ADGRL3: variants seen among roughly 807,000 people sequenced by gnomAD.
The protein encoded by ADGRL3 is adhesion G protein-coupled receptor L3.
In ADGRL3, 62 loss-of-function variants were observed where a neutral mutation model predicts 153.5. The observed-to-expected ratio is 0.40, with a 90% CI of 0.33 to 0.50. The LOEUF is 0.50. Among genes scored for constraint, ADGRL3 ranks in the 20% least tolerant of loss-of-function variants. ADGRL3 has a pLI of 0.47. For synonymous variants in ADGRL3, 710 were observed against 672.5 expected (o/e 1.06, Z -0.86); for missense variants, 1,641 against 1,859.4 (o/e 0.88, Z 2.16).
chr4:61,737,658 T>C (rs1379751142), intron 8 of ADGRL3, among the ~76,000 whole-genome samples: 1 of 152,188 alleles, frequency 6.6e-6, no homozygotes, highest in East Asian at 1.9e-4. Context: ...CCTAATAGAT[T>C]TGCAGTAACC....
At chr4:61,950,451 C>T (rs968130735) in intron 17 of ADGRL3, among the ~76,000 whole-genome samples, 1 of 151,574 alleles carries the variant, frequency 6.6e-6, no homozygotes, top group Non-Finnish European at 1.5e-5. Context: ...ACAGCAGGAG[C>T]GAAAACATAA....
intron 2 of ADGRL3, chr4:61,420,359 T>G (rs2097189114): frequency 6.6e-6 from 1 of 151,450 alleles, no homozygotes; most frequent in Non-Finnish European, 1.5e-5. Flanking sequence ...ATTTTTATCA[T>G]GATGAACCCT....
intron 8 of ADGRL3, among the ~76,000 whole-genome samples, chr4:61,788,102 G>A (rs2097298803): frequency 6.6e-6 from 1 of 152,094 alleles, no homozygotes; most frequent in Non-Finnish European, 1.5e-5. Flanking sequence ...AACCATTAGA[G>A]CAACTCATAA....
chr4:61,645,178 T>C (rs2093910759), intron 5 of ADGRL3, among the ~76,000 whole-genome samples: 1 of 152,224 alleles, frequency 6.6e-6, no homozygotes, highest in Non-Finnish European at 1.5e-5. Flanking sequence ...CCTATGTGTA[T>C]CTCTGCACAT....
chr4:61,267,521 T>G (rs1178535046), intron 1 of ADGRL3, among the ~76,000 whole-genome samples: 1 of 151,804 alleles, frequency 6.6e-6, no homozygotes, highest in East Asian at 1.9e-4. Flanking sequence ...ATCTTTCTTT[T>G]GATTTTAGCT....
chr4:61,925,587 G>T (rs1334961966), intron 13 of ADGRL3, among the ~76,000 whole-genome samples: 1 of 152,110 alleles, frequency 6.6e-6, no homozygotes, highest in Non-Finnish European at 1.5e-5. Context: ...ACTCATGGAA[G>T]AAGGCAAAGC....
At chr4:61,690,250 T>A (rs1475432893) in intron 6 of ADGRL3, among the ~76,000 whole-genome samples, 1 of 151,986 alleles carries the variant, frequency 6.6e-6, no homozygotes, top group Admixed American at 6.6e-5. Flanking sequence ...TTCAAGACCA[T>A]CCTTGGTAAC....
rs148195713 is a variant in ADGRL3, at chr4:61,249,233, G to A, written c.-240+47468G>A. ...TTTGAAGCTTTCAACATTGTGTTCG[G>A]CAAAATCTTTCAGTAAAGGTAACAC... On this transcript the variant is annotated intron_variant, in intron 1 of 26. Coordinates refer to ENST00000683033, the MANE Select transcript of ADGRL3 (RefSeq NM_001387552.1). Among the ~76,000 whole-genome samples the A allele has an allele frequency of 2.0e-5, 3 of 152,216 alleles. No individual in the cohort carries two copies. In the East Asian group the frequency reaches 5.8e-4, roughly 29 times the overall value.
chr4:61,327,835 G>T (rs1200676238), intron 1 of ADGRL3, among the ~76,000 whole-genome samples: 2 of 152,006 alleles, frequency 1.3e-5, no homozygotes, highest in African/African-American at 4.8e-5. Flanking sequence ...ATGGAGAAAT[G>T]GCCATTTAAT....
chr4:61,266,068 T>C (rs1427621994), intron 1 of ADGRL3, among the ~76,000 whole-genome samples: 2 of 151,888 alleles, frequency 1.3e-5, no homozygotes, highest in East Asian at 3.9e-4. Flanking sequence ...AACTCAACAG[T>C]AATTTGCACC....
At chr4:61,476,321 G>C (rs997407091) in intron 2 of ADGRL3, among the ~76,000 whole-genome samples, 3 of 151,774 alleles carry the variant, frequency 2.0e-5, no homozygotes, top group Admixed American at 6.6e-5. Context: ...TCTACCTCCC[G>C]GGTTCAAGCA....
intron 2 of ADGRL3, among the ~76,000 whole-genome samples, chr4:61,477,407 T>A (rs2098078142): frequency 6.6e-6 from 1 of 151,978 alleles, no homozygotes; most frequent in South Asian, 2.1e-4. Context: ...ACACACAATT[T>A]TATGCAAAAG....
chr4:61,360,940 GTAGATACTAC>G (rs994792664), intron 1 of ADGRL3, among the ~76,000 whole-genome samples: 61 of 152,266 alleles, frequency 4.0e-4, no homozygotes, highest in African/African-American at 1.4e-3. Context: ...ATACTGTGAG[GTAGATACTAC>G]TATTATGTTT....
intron 5 of ADGRL3, among the ~76,000 whole-genome samples, chr4:61,640,647 C>T (rs908547251): frequency 6.6e-6 from 1 of 152,128 alleles, no homozygotes; most frequent in African/African-American, 2.4e-5. Flanking sequence ...ACATATTAGA[C>T]AATCAATAGG....
intron 2 of ADGRL3, among the ~76,000 whole-genome samples, chr4:61,492,326 T>A (rs574966062): frequency 1.3e-5 from 2 of 152,258 alleles, no homozygotes; most frequent in East Asian, 3.9e-4. Context: ...AATTTAAACA[T>A]TTATAAACAA....
At chr4:61,391,515 A>G (rs1003812517) in intron 2 of ADGRL3, among the ~76,000 whole-genome samples, 19 of 152,214 alleles carry the variant, frequency 1.2e-4, no homozygotes, top group Non-Finnish European at 1.8e-4. Context: ...CAAAGTTGTT[A>G]TGAACATTCA....
chr4:61,610,491 G>T (rs556454910), intron 5 of ADGRL3, among the ~76,000 whole-genome samples: 1 of 152,052 alleles, frequency 6.6e-6, no homozygotes. Flanking sequence ...AATCTTTCTT[G>T]GTGAAATACA....
At chr4:61,279,948 A>T (rs2093648703) in intron 1 of ADGRL3, among the ~76,000 whole-genome samples, 1 of 152,110 alleles carries the variant, frequency 6.6e-6, no homozygotes, top group Admixed American at 6.6e-5. Context: ...TAGCTGGTTG[A>T]GACTTCTATA....
intron 1 of ADGRL3, among the ~76,000 whole-genome samples, chr4:61,375,682 A>G (rs2096594777): frequency 6.6e-6 from 1 of 152,144 alleles, no homozygotes; most frequent in African/African-American, 2.4e-5. Context: ...AACGGTAAAT[A>G]TCTCTAAGAC....
Sources: allele counts gnomAD v4.1 joint callset (sites outside exome capture counted in the v4.1 genomes callset), GRCh38; gene constraint gnomAD v4.1.1; transcripts MANE v1.5; gene names NCBI Gene and HGNC (gene_info 2026-07-23, HGNC 2026-07-21).